The following TEK variants were observed in gnomAD, a reference collection of about 807,000 sequenced individuals.
The protein encoded by TEK is TEK receptor tyrosine kinase.
TEK carries 43 observed loss-of-function variants against 131.8 expected under a neutral mutation model. That is an observed-to-expected ratio of 0.33 (90% confidence interval 0.26 to 0.42). The LOEUF is 0.42. Among genes scored for constraint, TEK ranks in the 10% least tolerant of loss-of-function variants. TEK has a pLI of 1.00. For synonymous variants in TEK, 580 were observed against 491.6 expected, an observed-to-expected ratio of 1.18 and a Z score of -2.38; for missense variants, 1,162 against 1,384.4, an observed-to-expected ratio of 0.84 and a Z score of 2.55.
chr9:27,136,345 G>A (rs1300624315), intron 1 of TEK, among the ~76,000 whole-genome samples: 12 of 152,156 alleles, frequency 7.9e-5, no homozygotes, highest in Non-Finnish European at 1.8e-4. Context: ...CTCCCAAAGT[G>A]CTGGGATTAC....
At chr9:27,177,230 T>G (rs1824202426) in intron 6 of TEK, among the ~76,000 whole-genome samples, 1 of 152,256 alleles carries the variant, frequency 6.6e-6, no homozygotes, top group Admixed American at 6.5e-5. Context: ...CTGGATCATA[T>G]GGCAGTTCTA....
intron 10 of TEK, 96 bp downstream of exon 10, chr9:27,190,786 C>T: frequency 6.6e-7 from 1 of 1,525,380 alleles, no homozygotes; most frequent in South Asian, 1.1e-5. Context: ...TGCCTCAATC[C>T]TCTACCTCAA....
intron 1 of TEK, among the ~76,000 whole-genome samples, chr9:27,148,121 A>G (rs558378025): frequency 4.6e-5 from 7 of 152,350 alleles, no homozygotes; most frequent in East Asian, 3.9e-4. Flanking sequence ...GTTAGCTTTT[A>G]TATAACTTTT....
Position 27,229,916 on chromosome 9 carries a change from C to A in TEK, c.*684C>A, listed in dbSNP as rs886063830. The stretch of plus-strand genomic sequence containing the variant: ...GCCTAAGAATCTTTAGAGAAGTATA[C>A]ATAAGTTTAGGATAAAATAATGGGA... On this transcript the variant is annotated 3_prime_UTR_variant, in exon 23 of 23. Coordinates refer to ENST00000380036, the MANE Select transcript of TEK (RefSeq NM_000459.5). The A allele has an allele frequency of 6.6e-6, 1 of 152,320 alleles. No homozygotes were observed. Among genetic ancestry groups the A allele is most frequent in the East Asian group, 1.9e-4 (1 of 5,202 alleles). 9.4% of individuals were successfully genotyped at this position (152,320 alleles called of 1,614,324 possible).
chr9:27,229,196 T>C lies in TEK; in HGVS notation c.3339T>C (p.Tyr1113=), dbSNP rs1826463116. 2 of 1,613,790 alleles carry C rather than the reference T, an allele frequency of 1.2e-6. No individual in the cohort carries two copies. Among genetic ancestry groups the C allele is most frequent in the African/African-American group, 1.3e-5 (1 of 74,924 alleles). The change falls in exon 23 of 23, where the codon TAT becomes TAC. Residue 1113 remains tyrosine (Y), a synonymous_variant. Coordinates refer to ENST00000380036, the MANE Select transcript of TEK (RefSeq NM_000459.5). ...VNTTLYEKFT[Y]AGIDCSAEEA... is the part of the protein sequence containing the mutation. Reference sequence around the variant, plus strand: ...CCACGCTTTATGAGAAGTTTACTTATGCAGGAATTGACTGTTCTGCTGAAG... The same window carrying C: ...CCACGCTTTATGAGAAGTTTACTTACGCAGGAATTGACTGTTCTGCTGAAG...
chr9:27,204,829 C>T, intron 13 of TEK, 82 bp from the exon 14 acceptor site: 1 of 1,586,324 alleles, frequency 6.3e-7, no homozygotes. Flanking sequence ...TCCCATTACA[C>T]TGTGTCTTCT....
intron 1 of TEK, among the ~76,000 whole-genome samples, chr9:27,120,449 G>A (rs1465834671): frequency 6.6e-6 from 1 of 152,244 alleles, no homozygotes; most frequent in Non-Finnish European, 1.5e-5. Flanking sequence ...GCGAAAACAT[G>A]GCCTGAAGGC....
chr9:27,109,789 A>G (rs1011449846), intron 1 of TEK, 147 bp downstream of exon 1: 6 of 796,962 alleles, frequency 7.5e-6, no homozygotes, highest in Middle Eastern at 3.5e-4. Flanking sequence ...TCCAGTCAAT[A>G]TGTGTGGAAG....
chr9:27,219,951 C>T (rs191880674), intron 20 of TEK, 98 bp from the exon 21 acceptor site: 12 of 1,250,420 alleles, frequency 9.6e-6, no homozygotes, highest in African/African-American at 7.4e-5. Flanking sequence ...CTTGCCATAC[C>T]ATGTCTTCCT....
chr9:27,142,630 G>C (rs112183166), intron 1 of TEK, among the ~76,000 whole-genome samples: 1 of 152,220 alleles, frequency 6.6e-6, no homozygotes, highest in Non-Finnish European at 1.5e-5. Context: ...GAGAGTACTC[G>C]TGTTTCTACT....
intron 1 of TEK, among the ~76,000 whole-genome samples, chr9:27,129,517 C>G (rs1377145225): frequency 6.6e-6 from 1 of 152,078 alleles, no homozygotes; most frequent in Non-Finnish European, 1.5e-5. Flanking sequence ...GAACAAAAAC[C>G]AGGTAGTTAT....
At position 27,220,031 on chromosome 9, in the gene TEK, G is replaced by A. The variant is rs1017307512; in HGVS notation, c.3104-18G>A. The A allele has an allele frequency of 7.4e-6, 12 of 1,612,530 alleles. No homozygotes were observed. Among genetic ancestry groups the A allele is most frequent in the African/African-American group, 4.0e-5 (3 of 74,824 alleles). ...TTCATGCCAGAGAGGACTTAGAGTG[G>A]CACTGTTTGTCTTCCAGGAGGCACA... On this transcript the variant is annotated intron_variant, in intron 20 of 22. Transcript: ENST00000380036.
At chr9:27,220,194 G>C in intron 21 of TEK, 49 bp downstream of exon 21, 1 of 1,580,194 alleles carries the variant, frequency 6.3e-7, no homozygotes, top group Non-Finnish European at 8.7e-7. Context: ...TTCCCCCTGT[G>C]TGTTTCTGGG....
intron 1 of TEK, among the ~76,000 whole-genome samples, chr9:27,132,948 A>C (rs1382945844): frequency 6.6e-6 from 1 of 152,214 alleles, no homozygotes; most frequent in Admixed American, 6.5e-5. Context: ...TTACCTTTAA[A>C]CATAAACACA....
At chr9:27,219,923 G>GCAGGATGCTCACCCT (rs1825993493) in intron 20 of TEK, 126 bp from the exon 21 acceptor site, 1 of 940,724 alleles carries the variant, frequency 1.1e-6, no homozygotes, top group South Asian at 1.3e-5. Flanking sequence ...AGGGAGGCAT[G>GCAGGATGCTCACCCT]CAGGATGCTC....
rs747221794 is a variant in TEK at position 27,168,619 on chromosome 9, T to C, written c.475+14T>C. The C allele has an allele frequency of 6.6e-7, 1 of 1,524,012 alleles. No homozygotes were observed. Among genetic ancestry groups the C allele is most frequent in the Non-Finnish European group, 9.1e-7 (1 of 1,099,436 alleles). 94.4% of individuals were successfully genotyped at this position (1,524,012 alleles called of 1,614,324 possible). On this transcript the variant is annotated intron_variant, in intron 3 of 22. Coordinates refer to ENST00000380036, the MANE Select transcript of TEK (RefSeq NM_000459.5). ...TTTACAAAAATGGTGAGTATGTGTTTCATTGCTTTCCCCAGTATGATGTGA... is the reference window on the plus strand; with the variant it reads ...TTTACAAAAATGGTGAGTATGTGTTCCATTGCTTTCCCCAGTATGATGTGA...
At chr9:27,118,835 C>G (rs1355676268) in intron 1 of TEK, among the ~76,000 whole-genome samples, 1 of 152,116 alleles carries the variant, frequency 6.6e-6, no homozygotes, top group Non-Finnish European at 1.5e-5. Context: ...TAGACTCTTT[C>G]CCTGGGAATT....
chr9:27,137,011 G>A, intron 1 of TEK, among the ~76,000 whole-genome samples: 1 of 152,140 alleles, frequency 6.6e-6, no homozygotes, highest in East Asian at 1.9e-4. Context: ...TGCCTCCCGG[G>A]TTCAAGCGAT....
chr9:27,134,014 A>G (rs1289314876), intron 1 of TEK, among the ~76,000 whole-genome samples: 1 of 152,214 alleles, frequency 6.6e-6, no homozygotes. Flanking sequence ...ACTGTGAGGC[A>G]TGGGAAGTTG....
Sources: allele counts gnomAD v4.1 joint callset (sites outside exome capture counted in the v4.1 genomes callset), GRCh38; gene constraint gnomAD v4.1.1; transcripts MANE v1.5; gene names NCBI Gene and HGNC (gene_info 2026-07-23, HGNC 2026-07-21).